The following DHX34 variants were observed in gnomAD, a reference collection of about 807,000 sequenced individuals.
DHX34 encodes probable ATP-dependent RNA helicase DHX34.
Under a neutral mutation model 111.1 loss-of-function variants are expected in DHX34, and 96 were observed. The ratio of observed to expected loss-of-function variants is 0.86; its 90% CI spans 0.73 to 1.02. The LOEUF is 1.02. Among genes scored for constraint, DHX34 ranks in the 50% least tolerant of loss-of-function variants. The probability of loss-of-function intolerance (pLI) is 0.00; values close to 1 mark genes in which losing one functional copy is unlikely to be tolerated. For missense variants in DHX34, 1,560 were observed against 1,579.9 expected (o/e 0.99, Z 0.21); for synonymous variants, 688 against 670.4 (o/e 1.03, Z -0.41).
At position 47,375,811 on chromosome 19, in the gene DHX34, G is replaced by A. The variant is rs185716221; in HGVS notation, c.2307+103G>A. On this transcript the variant is annotated intron_variant, in intron 10 of 16. Coordinates refer to ENST00000328771, the MANE Select transcript of DHX34 (RefSeq NM_014681.6). ...TGGCCCTGTCCTCATTTCAGGAGCC[G>A]GGTTTCCATGGACGGTGCTTGGTCC... The A allele has an allele frequency of 1.4e-4, 218 of 1,547,566 alleles. 1 individual carries two copies. The African/African-American group carries it at 2.5e-3, about 18-fold the overall frequency.
chr19:47,360,008 TC>T lies in DHX34; in HGVS notation c.1314del (p.Ser439ProfsTer17). 2 of 1,614,002 alleles carry T rather than the reference TC, an allele frequency of 1.2e-6. No individual in the cohort carries two copies. Among genetic ancestry groups the T allele is most frequent in the African/African-American group, 2.7e-5 (2 of 75,008 alleles). On this transcript the variant is annotated frameshift_variant, in exon 5 of 17. Transcript: ENST00000328771. LOFTEE classifies it high-confidence loss of function. The part of the protein sequence containing the change: ...VAPPGVRKCI[L>X]STNIAETSVT... The stretch of plus-strand genomic sequence containing the variant: ...CCCCCTGGAGTCCGGAAATGCATCC[TC>T]TCCACCAACATTGCTGAGACCTCAG...
chr19:47,368,628 G>GTATATATATA (rs1263409934), intron 7 of DHX34, among the ~76,000 whole-genome samples: 1 of 142,570 alleles, frequency 7.0e-6, no homozygotes, highest in African/African-American at 2.6e-5. Flanking sequence ...GTGTGTGTGT[G>GTATATATATA]TGTATATATA....
chr19:47,375,639 CGGCGGCTCCAGTGACGAGGACAG>C lies in DHX34; in HGVS notation c.2242_2264del (p.Gly748TrpfsTer9). ...TGCTGCGGCTGCAGGAGGAGCAGGA[CGGCGGCTCCAGTGACGAGGACAG>C]GGCTGGCCCAGCCCCCCCAGGGGCC... is the stretch of plus-strand genomic sequence containing the variant. On this transcript the variant is annotated frameshift_variant, in exon 10 of 17. Coordinates refer to ENST00000328771, the MANE Select transcript of DHX34 (RefSeq NM_014681.6). LOFTEE classifies it high-confidence loss of function. The C allele has an allele frequency of 6.4e-7, 1 of 1,553,216 alleles. No homozygotes were observed. The highest frequency in any genetic ancestry group is 8.7e-7 in the Non-Finnish European group (1 of 1,152,202).
At chr19:47,370,058 C>T (rs868648922) in intron 7 of DHX34, among the ~76,000 whole-genome samples, 5 of 152,080 alleles carry the variant, frequency 3.3e-5, no homozygotes, top group African/African-American at 1.2e-4. Context: ...TTGTGTGCAC[C>T]GTCAGTGTCT....
At chr19:47,373,779 T>C in intron 9 of DHX34, 79 bp downstream of exon 9, 1 of 1,519,308 alleles carries the variant, frequency 6.6e-7, no homozygotes, top group Non-Finnish European at 8.9e-7. Context: ...CTGCTTCCCC[T>C]TCCCAGACAG....
At chr19:47,359,916 G>C in intron 4 of DHX34, 52 bp from the exon 5 acceptor site, 1 of 1,613,064 alleles carries the variant, frequency 6.2e-7, no homozygotes, top group South Asian at 1.1e-5. Flanking sequence ...TGGACACATA[G>C]GTTAGTCGGG....
chr19:47,352,829 GTGTCACC>G lies in DHX34; in HGVS notation c.-201_-195del. 9.3e-7 allele frequency: 1 copy of G among 1,072,026 alleles called. No homozygotes were observed. Among genetic ancestry groups the G allele is most frequent in the Non-Finnish European group, 1.3e-6 (1 of 773,166 alleles). 66.4% of individuals were successfully genotyped at this position (1,072,026 alleles called of 1,614,324 possible). ...CTGCAGATGTCATGAGGTACCCTTT[GTGTCACC>G]AGCTCAAGCAGGCCTCTGGCCACTT... On this transcript the variant is annotated 5_prime_UTR_variant, in exon 2 of 17. An upstream open reading frame in the 5' UTR loses its in-frame stop. Coordinates refer to ENST00000328771, the MANE Select transcript of DHX34 (RefSeq NM_014681.6).
rs942704668 is a variant in DHX34 at position 47,353,774 on chromosome 19, G to C, written c.705+39G>C. Reference sequence around the variant, plus strand: ...ACCAGGTTTCCGATTTTTCCAGCGTGACCTTGGGGGAATAGGTTGCTTGTC... The same window carrying C: ...ACCAGGTTTCCGATTTTTCCAGCGTCACCTTGGGGGAATAGGTTGCTTGTC... On this transcript the variant is annotated intron_variant, in intron 2 of 16. Transcript: ENST00000328771. This position sits in a 1 kb window ranked among gnomAD's most constrained non-coding sequence, Gnocchi z 4.6. 4.7e-6 allele frequency: 7 copies of C among 1,481,388 alleles called. No homozygotes were observed. Among genetic ancestry groups the C allele is most frequent in the Non-Finnish European group, 6.3e-6 (7 of 1,112,278 alleles). The allele number at this position is 1,481,388 out of a possible 1,614,324, so 91.8% of individuals were successfully genotyped here. A position where few individuals can be genotyped will look rare whatever the true frequency, so the allele number is the denominator to read the frequency against.
intron 3 of DHX34, among the ~76,000 whole-genome samples, chr19:47,356,360 G>A (rs898977474): frequency 3.3e-5 from 5 of 152,058 alleles, no homozygotes; most frequent in Admixed American, 1.3e-4. Context: ...GGTCGGGCAC[G>A]GTGGCTGGTG....
chr19:47,376,586 C>T (rs1401901310), intron 12 of DHX34, 26 bp downstream of exon 12: 2 of 1,547,380 alleles, frequency 1.3e-6, no homozygotes, highest in Non-Finnish European at 1.7e-6. Flanking sequence ...GCGGAAGGAA[C>T]CCCCATCCGG....
chr19:47,360,131 A>G, intron 5 of DHX34, 61 bp downstream of exon 5: 1 of 1,534,752 alleles, frequency 6.5e-7, no homozygotes, highest in Non-Finnish European at 9.0e-7. Flanking sequence ...TGGGGTCCGG[A>G]GGTGTGCGTG....
chr19:47,378,290 C>T (rs200797556), intron 13 of DHX34, among the ~76,000 whole-genome samples: 1 of 149,706 alleles, frequency 6.7e-6, no homozygotes, highest in Non-Finnish European at 1.5e-5. Context: ...GTGGGCCAGG[C>T]ACTGTTAGTG....
chr19:47,381,558 G>A, intron 16 of DHX34: 1 of 618,156 alleles, frequency 1.6e-6, no homozygotes, highest in Non-Finnish European at 2.8e-6. Flanking sequence ...TCTCTGTGTT[G>A]CTGTCTTTGT....
chr19:47,352,603 A>G (rs1969319021), intron 1 of DHX34, among the ~76,000 whole-genome samples, 151 bp from the exon 2 acceptor site: 2 of 152,144 alleles, frequency 1.3e-5, no homozygotes, highest in Admixed American at 1.3e-4. Flanking sequence ...TGAGTCCAGG[A>G]GGTCGAGGCT....
chr19:47,350,337 G>A (rs1171125130), intron 1 of DHX34, among the ~76,000 whole-genome samples: 2 of 152,248 alleles, frequency 1.3e-5, no homozygotes, highest in Middle Eastern at 3.4e-3. Flanking sequence ...TTGGGAGGTC[G>A]AGGCTGCTGT....
rs533139315 is a variant in DHX34 at position 47,378,901 on chromosome 19, G to A, written c.2707-809G>A. 1.4e-4 allele frequency among the ~76,000 whole-genome samples: 21 copies of A among 152,112 alleles called. No homozygotes were observed. In the East Asian group the frequency reaches 4.1e-3, roughly 30 times the overall value. ...TCCCGGCACTTTGGGAGGCCGAGGT[G>A]TGTGGATCAGTTGAGGCCAGGAGTT... On this transcript the variant is annotated intron_variant, in intron 13 of 16. Transcript: ENST00000328771.
chr19:47,358,242 GC>G, intron 4 of DHX34, 122 bp downstream of exon 4: 1 of 1,444,604 alleles, frequency 6.9e-7, no homozygotes, highest in Non-Finnish European at 9.1e-7. Context: ...CAAAGTCGTA[GC>G]CACCTAGTGG....
At position 47,375,596 on chromosome 19, in the gene DHX34, C is replaced by T. The variant is rs963663157; in HGVS notation, c.2195C>T (p.Ala732Val). ...CTGAAACGCCAGCACGAGGAGGGCG[C>T]GGGGCGCAGGCGCAAGGTGCTGCGG... ...HQLKRQHEEG[A>V]GRRRKVLRLQ... Residue 732 changes from alanine (A) to valine (V), a missense_variant, in exon 10 of 17, where the codon GCG (alanine) becomes GTG (valine). Ala to Val is a moderately conservative substitution (Grantham distance 64). Transcript: ENST00000328771. 15 of 1,546,790 alleles carry T rather than the reference C, an allele frequency of 9.7e-6. No individual in the cohort carries two copies. The highest frequency in any genetic ancestry group is 2.4e-5 in the East Asian group (1 of 41,370).
At chr19:47,364,943 T>C (rs1387931096) in intron 6 of DHX34, among the ~76,000 whole-genome samples, 1 of 152,046 alleles carries the variant, frequency 6.6e-6, no homozygotes, top group African/African-American at 2.4e-5. Context: ...CCTCCTCCTT[T>C]ACCATCCGGA....
Sources: gnomAD v4.1 joint callset for allele counts (sites outside exome capture counted in the v4.1 genomes callset) on GRCh38, gnomAD v4.1.1 for gene constraint, Gnocchi (gnomAD v3.1) non-coding constraint, MANE v1.5 for transcripts, NCBI Gene and HGNC (gene_info 2026-07-23, HGNC 2026-07-21) for gene names.